SHISA9: variants seen among roughly 807,000 people sequenced by gnomAD.
SHISA9 encodes shisa family member 9.
Under a neutral mutation model 38.0 loss-of-function variants are expected in SHISA9, and 13 were observed. That is an observed-to-expected ratio of 0.34 (90% CI 0.22 to 0.54). The LOEUF (loss-of-function observed/expected upper bound fraction) is 0.54, where lower values mean the gene tolerates loss of function less well. SHISA9 is among the 20% of genes least tolerant of loss of function. The pLI is 0.91. For synonymous variants in SHISA9, 275 were observed against 242.0 expected (o/e 1.14, Z -1.27); for missense variants, 538 against 575.8 (o/e 0.93, Z 0.67).
chr16:13,225,241 G>T (rs1403014955), intron 4 of SHISA9, among the ~76,000 whole-genome samples: 5 of 152,178 alleles, frequency 3.3e-5, no homozygotes, highest in African/African-American at 1.2e-4. Context: ...GGATCCTCTA[G>T]CAGAGCCTTC....
rs140527178 is a variant in SHISA9, at chr16:13,213,468, TTG to T, written c.895+183_895+184del. Among the ~76,000 whole-genome samples, 8 of 151,094 alleles carry T rather than the reference TTG, an allele frequency of 5.3e-5. No homozygotes were observed. The East Asian group carries it at 1.2e-3, about 22-fold the overall frequency. On this transcript the variant is annotated intron_variant, in intron 4 of 4. Transcript: ENST00000558583. ...TTCCAGTGTGTAGGTGTTTGTGTGT[TTG>T]TGTGTGTGTGTGTGCATCTAGCAAT...
the SHISA9 span, among the ~76,000 whole-genome samples, chr16:13,534,339 C>G: frequency 6.6e-6 from 1 of 150,810 alleles, no homozygotes; most frequent in South Asian, 2.1e-4. Context: ...ATTCTCATGT[C>G]TCAGCCTCCC....
chr16:13,003,677 G>A (rs1486110999), intron 2 of SHISA9, among the ~76,000 whole-genome samples: 2 of 152,068 alleles, frequency 1.3e-5, no homozygotes, highest in Non-Finnish European at 2.9e-5. Flanking sequence ...GACCAGTATG[G>A]TGAAACCCCA....
chr16:12,937,062 C>A (rs1170528096), intron 2 of SHISA9, among the ~76,000 whole-genome samples: 1 of 152,172 alleles, frequency 6.6e-6, no homozygotes, highest in African/African-American at 2.4e-5. Flanking sequence ...ACCACAGCTC[C>A]TTCCCCTGTG....
chr16:13,447,034 T>TA, the SHISA9 span, among the ~76,000 whole-genome samples: 1,961 of 141,610 alleles, frequency 0.014, 39 homozygotes, highest in African/African-American at 0.043. Context: ...TGTGGGGCTG[T>TA]AAAAAAAAAA....
At chr16:13,316,925 C>T in the SHISA9 span, among the ~76,000 whole-genome samples, 1 of 152,186 alleles carries the variant, frequency 6.6e-6, no homozygotes, top group African/African-American at 2.4e-5. Context: ...CTCCTGCAAC[C>T]TGCAAGTCAC....
intron 2 of SHISA9, among the ~76,000 whole-genome samples, chr16:12,986,395 G>A (rs11075178): frequency 0.29 from 43,702 of 151,888 alleles, 6,497 homozygotes; most frequent in Middle Eastern, 0.33. Flanking sequence ...TTTCATTTCC[G>A]TTTAGAAAAT....
chr16:13,220,997 A>G (rs1596744024), intron 4 of SHISA9, among the ~76,000 whole-genome samples: 2 of 150,230 alleles, frequency 1.3e-5, no homozygotes, highest in African/African-American at 4.9e-5. Flanking sequence ...CTCCCTCCTC[A>G]CTCTGGATTA....
the SHISA9 span, among the ~76,000 whole-genome samples, chr16:13,369,675 C>T: frequency 3.3e-5 from 5 of 152,014 alleles, no homozygotes; most frequent in South Asian, 2.1e-4. Context: ...TGAGCAGAAC[C>T]GCATGCATTA....
intron 4 of SHISA9, among the ~76,000 whole-genome samples, chr16:13,215,686 T>G: frequency 6.6e-6 from 1 of 152,142 alleles, no homozygotes; most frequent in East Asian, 1.9e-4. Flanking sequence ...CCAAGCTAAC[T>G]TCACCTGTCC....
intron 2 of SHISA9, among the ~76,000 whole-genome samples, chr16:12,991,133 C>G (rs1039874626): frequency 1.3e-5 from 2 of 151,984 alleles, no homozygotes; most frequent in Non-Finnish European, 2.9e-5. Flanking sequence ...AGTTGAATAC[C>G]TTTTTATATG....
rs186889828 is a variant in SHISA9, at chr16:13,057,446, G to A, written c.691+140631G>A. Among the ~76,000 whole-genome samples, 252 of 152,214 alleles carry A rather than the reference G, an allele frequency of 1.7e-3. 2 individuals carry two copies. Among genetic ancestry groups the A allele is most frequent in the African/African-American group, 6.0e-3 (249 of 41,532 alleles). The stretch of plus-strand genomic sequence containing the variant: ...TTTTGCTCTTATAGTCCAGGCTGGA[G>A]TGCAATGGGGCGATCTTGGCTCACT... On this transcript the variant is annotated intron_variant, in intron 2 of 4. Transcript: ENST00000558583.
intron 2 of SHISA9, among the ~76,000 whole-genome samples, chr16:13,078,913 G>A (rs1004448808): frequency 8.5e-5 from 13 of 152,268 alleles, no homozygotes; most frequent in South Asian, 4.1e-4. Context: ...AACCGGGAGC[G>A]TAAAAGGGGA....
intron 2 of SHISA9, among the ~76,000 whole-genome samples, chr16:12,962,482 G>A (rs2071924001): frequency 6.6e-6 from 1 of 152,198 alleles, no homozygotes; most frequent in South Asian, 2.1e-4. Context: ...GGGCCCCTGG[G>A]AGATAATTAG....
chr16:13,152,976 A>G (rs1242170102), intron 2 of SHISA9, among the ~76,000 whole-genome samples: 1 of 152,220 alleles, frequency 6.6e-6, no homozygotes, highest in East Asian at 1.9e-4. Flanking sequence ...CGAGGTAGGT[A>G]GAAGAGTGAC....
intron 3 of SHISA9, among the ~76,000 whole-genome samples, chr16:13,211,269 G>A (rs1215956667): frequency 6.6e-6 from 1 of 151,008 alleles, no homozygotes. Flanking sequence ...TTGTGCCACT[G>A]CACTCCAGCC....
At chr16:13,528,126 C>T in the SHISA9 span, among the ~76,000 whole-genome samples, 1 of 152,120 alleles carries the variant, frequency 6.6e-6, no homozygotes, top group African/African-American at 2.4e-5. Flanking sequence ...AATTCCTTTC[C>T]CTGTCTTAAA....
the SHISA9 span, among the ~76,000 whole-genome samples, chr16:13,362,108 A>C: frequency 6.6e-6 from 1 of 151,956 alleles, no homozygotes; most frequent in African/African-American, 2.4e-5. Flanking sequence ...TCATGCCTAT[A>C]ATCCCAGCAC....
At chr16:13,077,139 G>A (rs969806401) in intron 2 of SHISA9, among the ~76,000 whole-genome samples, 10 of 152,096 alleles carry the variant, frequency 6.6e-5, no homozygotes, top group Non-Finnish European at 1.5e-4. Context: ...TCATTATTCC[G>A]CCTTTCACCC....
Sources: gnomAD v4.1 joint callset for allele counts (sites outside exome capture counted in the v4.1 genomes callset) on GRCh38, gnomAD v4.1.1 for gene constraint, MANE v1.5 for transcripts, NCBI Gene and HGNC (gene_info 2026-07-23, HGNC 2026-07-21) for gene names.